TSPOAP1: variants seen among roughly 807,000 people sequenced by gnomAD.
TSPOAP1 encodes peripheral-type benzodiazepine receptor-associated protein 1.
A neutral mutation model predicts 197.0 loss-of-function variants in TSPOAP1; 87 were observed. The observed-to-expected ratio is 0.44, with a 90% confidence interval of 0.37 to 0.53. The LOEUF (loss-of-function observed/expected upper bound fraction) is 0.53. TSPOAP1 is among the 20% of genes least tolerant of loss of function. TSPOAP1 has a pLI of 0.00. For synonymous variants in TSPOAP1, 913 were observed against 998.9 expected (o/e 0.91, Z 1.62); for missense variants, 2,174 against 2,411.3 (o/e 0.90, Z 2.06).
intron 6 of TSPOAP1, 26 bp downstream of exon 6, chr17:58,323,442 C>T: frequency 1.2e-6 from 2 of 1,614,242 alleles, no homozygotes; most frequent in Non-Finnish European, 1.7e-6. Context: ...CAGCAGGCTG[C>T]CTCCAGCCCT....
rs200436316 is a variant in TSPOAP1, at chr17:58,309,246, G to GTCCTCCTCT, written c.4017_4025dup (p.Glu1339_Glu1341dup). 0.052 allele frequency: 83,788 copies of GTCCTCCTCT among 1,613,672 alleles called. 2,647 individuals carry two copies. Among genetic ancestry groups the GTCCTCCTCT allele is most frequent in the Non-Finnish European group, 0.06 (70,553 of 1,179,876 alleles). On this transcript the variant is annotated inframe_insertion, in exon 22 of 32. Transcript: ENST00000343736. This position sits in a 1 kb window ranked among gnomAD's most constrained non-coding sequence, Gnocchi z 5.0. ...CTGCCCCTGACTTCTCCTCCTCCTC[G>GTCCTCCTCT]TCCTCCTCTTCCTCTTCCTCCTCCT...
rs199889181 is a variant in TSPOAP1, at chr17:58,323,474, C to T, written c.1014G>A (p.Gln338=). 57 of 1,614,236 alleles carry T rather than the reference C, an allele frequency of 3.5e-5. No homozygotes were observed. The highest frequency in any genetic ancestry group is 4.8e-5 in the Non-Finnish European group (57 of 1,180,014). ...LGEPEKEQRV[Q]QLESELSKKR... Reference sequence around the variant, plus strand: ...CCCTTGACCTAGGACTTACCAGCTGCTGCACCCTCTGCTCTTTCTCTGGCT... The same window carrying T: ...CCCTTGACCTAGGACTTACCAGCTGTTGCACCCTCTGCTCTTTCTCTGGCT... The change falls in exon 6 of 32, where the codon CAG becomes CAA. Residue 338 remains glutamine (Q), a synonymous_variant. Coordinates refer to ENST00000343736, the MANE Select transcript of TSPOAP1 (RefSeq NM_004758.4).
intron 15 of TSPOAP1, 144 bp from the exon 16 acceptor site, chr17:58,316,276 C>T: frequency 9.7e-7 from 1 of 1,030,434 alleles, no homozygotes; most frequent in Non-Finnish European, 1.5e-6. Flanking sequence ...CCTCACTGCA[C>T]CCACCTTGGC....
rs540821604 is a variant in TSPOAP1 at position 58,322,498 on chromosome 17, T to C, written c.1318-86A>G. ...TAAGATGAGGAAGCCTCAAACACCA[T>C]TTGCTCCAGATTCCTCTATTACAAA... On this transcript the variant is annotated intron_variant, in intron 9 of 31. Coordinates refer to ENST00000343736, the MANE Select transcript of TSPOAP1 (RefSeq NM_004758.4). This position sits in a 1 kb window ranked among gnomAD's most constrained non-coding sequence, Gnocchi z 5.0. 8.4e-4 allele frequency: 1,304 copies of C among 1,557,630 alleles called. 22 individuals carry two copies. In the South Asian group the frequency reaches 0.014, roughly 17 times the overall value.
At chr17:58,320,646 T>G (rs1467330391) in intron 10 of TSPOAP1, 65 bp from the exon 11 acceptor site, 4 of 1,224,860 alleles carry the variant, frequency 3.3e-6, no homozygotes, top group South Asian at 4.9e-5. Flanking sequence ...TAGAGAGGGC[T>G]GCGAGGGAGG....
rs1970744181 is a variant in TSPOAP1 at position 58,302,395 on chromosome 17, G to T, written c.*85C>A. The T allele has an allele frequency of 1.6e-6, 2 of 1,286,464 alleles. No individual in the cohort carries two copies. The highest frequency in any genetic ancestry group is 2.0e-6 in the Non-Finnish European group (2 of 987,630). The allele number at this position is 1,286,464 out of a possible 1,614,324, so 79.7% of individuals were successfully genotyped here. On this transcript the variant is annotated 3_prime_UTR_variant, in exon 32 of 32. Coordinates refer to ENST00000343736, the MANE Select transcript of TSPOAP1 (RefSeq NM_004758.4). Reference sequence around the variant, plus strand: ...CCTGGGGGCGCTGCCAGAGCTGGGGGTACAAGGCCCACCTGGGGGCCCTGG... The same window carrying T: ...CCTGGGGGCGCTGCCAGAGCTGGGGTTACAAGGCCCACCTGGGGGCCCTGG...
chr17:58,310,972 CCTGGGGAGG>C lies in TSPOAP1; in HGVS notation c.3314_3322del (p.Ala1105_Pro1107del), dbSNP rs1971061390. The C allele has an allele frequency of 6.3e-7, 1 of 1,595,198 alleles. No homozygotes were observed. Among genetic ancestry groups the C allele is most frequent in the Non-Finnish European group, 8.5e-7 (1 of 1,171,382 alleles). ...GAGAGGAGAGCTGGGGTCTCCAGGCCCTGGGGAGGCTGAAGCAAGGGGCGCTCTGGCCTC... is the reference window on the plus strand; with the variant it reads ...GAGAGGAGAGCTGGGGTCTCCAGGCCCTGAAGCAAGGGGCGCTCTGGCCTC... On this transcript the variant is annotated inframe_deletion, in exon 19 of 32. Coordinates refer to ENST00000343736, the MANE Select transcript of TSPOAP1 (RefSeq NM_004758.4).
chr17:58,302,418 T>G lies in TSPOAP1; in HGVS notation c.*62A>C, dbSNP rs1000187115. 7.8e-7 allele frequency: 1 copy of G among 1,278,086 alleles called. No homozygotes were observed. The highest frequency in any genetic ancestry group is 1.0e-6 in the Non-Finnish European group (1 of 984,186). The allele number at this position is 1,278,086 out of a possible 1,614,324, so 79.2% of individuals were successfully genotyped here. On this transcript the variant is annotated 3_prime_UTR_variant, in exon 32 of 32. Coordinates refer to ENST00000343736, the MANE Select transcript of TSPOAP1 (RefSeq NM_004758.4). Reference sequence around the variant, plus strand: ...GGGTACAAGGCCCACCTGGGGGCCCTGGGGACCCTTGTGTGGTGCAGCCCC... The same window carrying G: ...GGGTACAAGGCCCACCTGGGGGCCCGGGGGACCCTTGTGTGGTGCAGCCCC...
intron 10 of TSPOAP1, among the ~76,000 whole-genome samples, chr17:58,321,361 G>A (rs961755389): frequency 1.3e-5 from 2 of 150,890 alleles, no homozygotes; most frequent in Non-Finnish European, 2.9e-5. Context: ...GCAATGGTAC[G>A]ATCTCAGCTC....
rs1971485886 is a variant in TSPOAP1 at position 58,324,030 on chromosome 17, C to T, written c.943-485G>A. On this transcript the variant is annotated intron_variant, in intron 5 of 31. Coordinates refer to ENST00000343736, the MANE Select transcript of TSPOAP1 (RefSeq NM_004758.4). This position sits in a 1 kb window ranked among gnomAD's most constrained non-coding sequence, Gnocchi z 5.8. ...CCAGCCAGACCCTTCTCCTGGCTTC[C>T]CCCAAGCCCACCCTACCACACCTTC... Among the ~76,000 whole-genome samples, 1 of 152,180 alleles carries T rather than the reference C, an allele frequency of 6.6e-6. No homozygotes were observed. The highest frequency in any genetic ancestry group is 2.4e-5 in the African/African-American group (1 of 41,442).
At chr17:58,319,029 T>A in intron 13 of TSPOAP1, 61 bp downstream of exon 13, 1 of 1,434,354 alleles carries the variant, frequency 7.0e-7, no homozygotes, top group Non-Finnish European at 9.2e-7. Context: ...CTGAACTCCC[T>A]GCTCTATCCA....
rs1261439062 is a variant in TSPOAP1 at position 58,324,943 on chromosome 17, C to G, written c.810G>C (p.Arg270=). 6.5e-7 allele frequency: 1 copy of G among 1,540,300 alleles called. No individual in the cohort carries two copies. Among genetic ancestry groups the G allele is most frequent in the Non-Finnish European group, 8.7e-7 (1 of 1,145,374 alleles). The stretch of plus-strand genomic sequence containing the variant: ...TCTGCCTCTGCAGCCGCAGCACCTC[C>G]CGCTGGGACTCGCGCAGCAGCCGAT... ...DFDRLLRESQ[R]EVLRLQRQIA... Residue 270 remains arginine, a synonymous_variant, in exon 5 of 32, where the codon CGG becomes CGC. Coordinates refer to ENST00000343736, the MANE Select transcript of TSPOAP1 (RefSeq NM_004758.4). The surrounding 1 kb of genome is among the most constrained non-coding windows in gnomAD (Gnocchi z 5.8).
At chr17:58,302,519 A>T in intron 31 of TSPOAP1, 72 bp from the exon 32 acceptor site, 3 of 1,102,340 alleles carry the variant, frequency 2.7e-6, no homozygotes, top group Non-Finnish European at 3.4e-6. Context: ...TTTTTTCCAC[A>T]GCCTAAGGGG....
chr17:58,306,620 C>T, intron 25 of TSPOAP1, 180 bp downstream of exon 25: 1 of 931,086 alleles, frequency 1.1e-6, no homozygotes, highest in East Asian at 2.6e-5. Context: ...AACAGACGCC[C>T]ACTCCACGCG....
chr17:58,309,495 C>A lies in TSPOAP1; in HGVS notation c.3892-115G>T. The A allele has an allele frequency of 1.5e-6, 2 of 1,374,064 alleles. No homozygotes were observed. Among genetic ancestry groups the A allele is most frequent in the Non-Finnish European group, 1.9e-6 (2 of 1,035,112 alleles). The allele number at this position is 1,374,064 out of a possible 1,614,324, so 85.1% of individuals were successfully genotyped here. A position where few individuals can be genotyped will look rare whatever the true frequency, so the allele number is the denominator to read the frequency against. ...ACGAAGGCAGGGGTTACGGACAACC[C>A]CACAGCCCTCCCACGGCTTCCTCCG... On this transcript the variant is annotated intron_variant, in intron 21 of 31. Coordinates refer to ENST00000343736, the MANE Select transcript of TSPOAP1 (RefSeq NM_004758.4). The surrounding 1 kb of genome is among the most constrained non-coding windows in gnomAD (Gnocchi z 5.0).
Position 58,308,746 on chromosome 17 carries a change from G to T in TSPOAP1, c.4526C>A (p.Ala1509Glu). The T allele has an allele frequency of 6.2e-7, 1 of 1,612,990 alleles. No individual in the cohort carries two copies. Among genetic ancestry groups the T allele is most frequent in the Non-Finnish European group, 8.5e-7 (1 of 1,179,980 alleles). Residue 1509 changes from alanine (A) to glutamate (E), a missense_variant, in exon 22 of 32, where the codon GCG (alanine) becomes GAG (glutamate). This residue lies in a region of TSPOAP1 where 1,933 missense variants were observed against 2,139.0 expected (regional missense o/e 0.90). Coordinates refer to ENST00000343736, the MANE Select transcript of TSPOAP1 (RefSeq NM_004758.4). ...IEYDSEDEQEAGSGGISITSS... is the reference protein window; with the variant it reads ...IEYDSEDEQEEGSGGISITSS... ...GGTGATGCTGATGCCCCCGCTGCCC[G>T]CCTCCTGCTCATCCTCCGAATCATA... is the stretch of plus-strand genomic sequence containing the variant.
Position 58,319,284 on chromosome 17 carries a change from C to G in TSPOAP1, c.1505G>C (p.Arg502Pro), listed in dbSNP as rs868213642. The G allele has an allele frequency of 1.3e-6, 2 of 1,578,164 alleles. No homozygotes were observed. The highest frequency in any genetic ancestry group is 1.4e-5 in the African/African-American group (1 of 73,996). Reference sequence around the variant, plus strand: ...GCTGCGGCACTGTTCTTCGAGCTCTCGAACCCGGGCCTGGGCCAAGACCCA... The same window carrying G: ...GCTGCGGCACTGTTCTTCGAGCTCTGGAACCCGGGCCTGGGCCAAGACCCA... ...STLDSMQARV[R>P]ELEEQCRSQT... The change falls in exon 13 of 32, where the codon CGA (arginine) becomes CCA (proline). Residue 502 changes from arginine to proline, a missense_variant. Around this residue, in one of 5 missense-constraint regions of TSPOAP1, gnomAD observed 1,933 missense variants for 2,139.0 expected, o/e 0.90. Coordinates refer to ENST00000343736, the MANE Select transcript of TSPOAP1 (RefSeq NM_004758.4).
In TSPOAP1 at chr17:58,304,297, T is replaced by TG. The variant is rs1396346528; in HGVS notation, c.*32+40dup. 1 of 1,544,918 alleles carries TG rather than the reference T, an allele frequency of 6.5e-7. No homozygotes were observed. ...GGAGCACTGTCTGATTATGGTCAAG[T>TG]GGGGGTGGACGGTCACACAGGGGGG... On this transcript the variant is annotated intron_variant, in intron 31 of 31. Coordinates refer to ENST00000343736, the MANE Select transcript of TSPOAP1 (RefSeq NM_004758.4). The surrounding 1 kb of genome is among the most constrained non-coding windows in gnomAD (Gnocchi z 4.2).
At position 58,322,881 on chromosome 17, in the gene TSPOAP1, G is replaced by GC; in HGVS notation, c.1194+68dup. 1 of 1,603,074 alleles carries GC rather than the reference G, an allele frequency of 6.2e-7. No homozygotes were observed. The highest frequency in any genetic ancestry group is 1.1e-5 in the South Asian group (1 of 90,006). On this transcript the variant is annotated intron_variant, in intron 8 of 31. Coordinates refer to ENST00000343736, the MANE Select transcript of TSPOAP1 (RefSeq NM_004758.4). The surrounding 1 kb of genome is among the most constrained non-coding windows in gnomAD (Gnocchi z 5.0). ...CCCCTGCTCAGGGGTGGAGGAGAAA[G>GC]CCCCTTGGCTGGGGACCGGGGCAGT...
Sources: gnomAD v4.1 joint callset for allele counts (sites outside exome capture counted in the v4.1 genomes callset) on GRCh38, gnomAD v4.1.1 for gene constraint, gnomAD v4.1.1 regional missense constraint, Gnocchi (gnomAD v3.1) non-coding constraint, MANE v1.5 for transcripts, NCBI Gene and HGNC (gene_info 2026-07-23, HGNC 2026-07-21) for gene names.